The following CLDN10 variants were observed in gnomAD, a reference collection of about 807,000 sequenced individuals.
CLDN10 encodes claudin 10.
In CLDN10, 15 loss-of-function variants were observed where a neutral mutation model predicts 22.9. The ratio of observed to expected loss-of-function variants is 0.65; its 90% CI spans 0.44 to 1.01. CLDN10 has a LOEUF of 1.01. Ranked by LOEUF, CLDN10 falls within the 50% of genes least tolerant of loss-of-function variation. The pLI, the probability that CLDN10 is intolerant of heterozygous loss-of-function variation, is 0.00. For synonymous variants in CLDN10, 114 were observed against 111.4 expected, an observed-to-expected ratio of 1.02 and a Z score of -0.15; for missense variants, 247 against 287.8, an observed-to-expected ratio of 0.86 and a Z score of 1.03.
chr13:95,559,610 G>C lies in CLDN10; in HGVS notation c.221-522G>C, dbSNP rs534394956. On this transcript the variant is annotated intron_variant, in intron 1 of 4. Coordinates refer to ENST00000299339, the MANE Select transcript of CLDN10 (RefSeq NM_006984.5). The stretch of plus-strand genomic sequence containing the variant: ...AGCGTCCACTAATATTGGAAGGTTT[G>C]ACCCTTTGGATCTCTTTCTGCCACC... 3.3e-5 allele frequency among the ~76,000 whole-genome samples: 5 copies of C among 152,150 alleles called. No individual in the cohort carries two copies. In the South Asian group the frequency reaches 1.0e-3, roughly 32 times the overall value.
intron 4 of CLDN10, 149 bp downstream of exon 4, chr13:95,577,487 A>T: frequency 1.6e-6 from 1 of 630,442 alleles, no homozygotes; most frequent in South Asian, 2.0e-5. Context: ...TTAATTTTTT[A>T]AAGTTTTACC....
intron 1 of CLDN10, among the ~76,000 whole-genome samples, chr13:95,557,918 G>A (rs902633842): frequency 5.9e-5 from 9 of 152,162 alleles, no homozygotes; most frequent in South Asian, 2.1e-4. Context: ...TGCATTCCGC[G>A]TTCTAAATGA....
intron 1 of CLDN10, among the ~76,000 whole-genome samples, chr13:95,463,285 A>ATATATATAT (rs1555288952): frequency 1.0e-4 from 4 of 40,096 alleles, no homozygotes; most frequent in African/African-American, 2.3e-4. Context: ...GCAAATGCTT[A>ATATATATAT]ATATATATAT....
At chr13:95,471,626 A>AT in intron 1 of CLDN10, among the ~76,000 whole-genome samples, 1 of 151,086 alleles carries the variant, frequency 6.6e-6, no homozygotes. Flanking sequence ...CTAATTTTGT[A>AT]TTTTTAGTAA....
At chr13:95,568,561 T>G (rs1000601) in intron 3 of CLDN10, among the ~76,000 whole-genome samples, 1 of 152,038 alleles carries the variant, frequency 6.6e-6, no homozygotes, top group African/African-American at 2.4e-5. Context: ...GCATTTTGGG[T>G]GGGGTGTCCC....
chr13:95,494,792 C>T (rs2042910627), intron 1 of CLDN10, among the ~76,000 whole-genome samples: 1 of 152,096 alleles, frequency 6.6e-6, no homozygotes, highest in Non-Finnish European at 1.5e-5. Flanking sequence ...TTAAGACCAC[C>T]TAGTCTGGCC....
At chr13:95,553,747 T>C (rs981507655) in intron 1 of CLDN10, among the ~76,000 whole-genome samples, 1 of 152,204 alleles carries the variant, frequency 6.6e-6, no homozygotes, top group Non-Finnish European at 1.5e-5. Flanking sequence ...TGTTCCTTTG[T>C]GGAGGTTCAC....
chr13:95,563,126 CTCTCTCTCTG>C lies in CLDN10; in HGVS notation c.464+2667_464+2676del, dbSNP rs1205919827. On this transcript the variant is annotated intron_variant, in intron 3 of 4. Transcript: ENST00000299339. ...TCTCTCTCTCTCTCTCTCTCTCTCT[CTCTCTCTCTG>C]TCTGTATTCTCATCTGTAAAACAAA... 1.1e-3 allele frequency among the ~76,000 whole-genome samples: 172 copies of C among 151,534 alleles called. 2 individuals carry two copies. Among genetic ancestry groups the C allele is most frequent in the African/African-American group, 3.9e-3 (161 of 41,238 alleles).
chr13:95,577,714 A>G (rs2043955528), intron 4 of CLDN10, among the ~76,000 whole-genome samples, 186 bp from the exon 5 acceptor site: 1 of 152,192 alleles, frequency 6.6e-6, no homozygotes, highest in African/African-American at 2.4e-5. Flanking sequence ...TTCTGCAGAG[A>G]TTCTCCATCC....
intron 3 of CLDN10, among the ~76,000 whole-genome samples, chr13:95,564,871 T>C (rs1233921563): frequency 2.0e-5 from 3 of 152,330 alleles, no homozygotes; most frequent in East Asian, 1.9e-4. Flanking sequence ...AGTCCTTCCT[T>C]TCCCACCACG....
chr13:95,510,370 G>A (rs1289543746), intron 1 of CLDN10, among the ~76,000 whole-genome samples: 3 of 152,202 alleles, frequency 2.0e-5, no homozygotes, highest in Non-Finnish European at 4.4e-5. Flanking sequence ...ACCCCTCTGA[G>A]CACACTTTAA....
chr13:95,563,817 G>C (rs957141303), intron 3 of CLDN10, among the ~76,000 whole-genome samples: 3 of 152,222 alleles, frequency 2.0e-5, no homozygotes, highest in Admixed American at 6.5e-5. Context: ...TAACTAATAT[G>C]ACTTCACTTG....
At chr13:95,568,413 T>A (rs6492812) in intron 3 of CLDN10, among the ~76,000 whole-genome samples, 2 of 152,066 alleles carry the variant, frequency 1.3e-5, no homozygotes, top group African/African-American at 4.8e-5. Context: ...TATTTGGCGC[T>A]CTCTTTTGTT....
upstream of CLDN10, among the ~76,000 whole-genome samples, chr13:95,550,707 A>C (rs574665770): frequency 6.6e-6 from 1 of 152,270 alleles, no homozygotes; most frequent in Non-Finnish European, 1.5e-5. Flanking sequence ...CAGATGATAA[A>C]ACACTTTAAA....
intron 1 of CLDN10, among the ~76,000 whole-genome samples, chr13:95,500,002 T>C (rs781377588): frequency 1.3e-5 from 2 of 152,188 alleles, no homozygotes; most frequent in Non-Finnish European, 2.9e-5. Flanking sequence ...TTCAAAGCCA[T>C]CCTTGGCCCA....
chr13:95,498,234 T>C (rs979665946), intron 1 of CLDN10, among the ~76,000 whole-genome samples: 2 of 152,138 alleles, frequency 1.3e-5, no homozygotes, highest in African/African-American at 4.8e-5. Context: ...TTTCATTGAA[T>C]CCTCCAGGGA....
At chr13:95,571,593 G>C (rs2043862173) in intron 3 of CLDN10, among the ~76,000 whole-genome samples, 1 of 152,076 alleles carries the variant, frequency 6.6e-6, no homozygotes, top group South Asian at 2.1e-4. Flanking sequence ...AGGATCAGCG[G>C]GCACCCCACA....
At chr13:95,547,289 T>C (rs755911855) in intron 1 of CLDN10, among the ~76,000 whole-genome samples, 11 of 152,158 alleles carry the variant, frequency 7.2e-5, no homozygotes, top group Non-Finnish European at 1.5e-4. Context: ...TCTGACTTCC[T>C]GGTTTCCCTC....
At chr13:95,474,532 A>G (rs1308325789) in intron 1 of CLDN10, among the ~76,000 whole-genome samples, 1 of 152,208 alleles carries the variant, frequency 6.6e-6, no homozygotes, top group East Asian at 1.9e-4. Flanking sequence ...CTATGAGCAC[A>G]GAGCGGAGAA....
Sources: allele counts gnomAD v4.1 joint callset (sites outside exome capture counted in the v4.1 genomes callset), GRCh38; gene constraint gnomAD v4.1.1; transcripts MANE v1.5; gene names NCBI Gene and HGNC (gene_info 2026-07-23, HGNC 2026-07-21).